NEMF: variants seen among roughly 807,000 people sequenced by gnomAD.
NEMF encodes ribosome quality control complex subunit NEMF.
A neutral mutation model predicts 162.2 loss-of-function variants in NEMF; 89 were observed. The ratio of observed to expected loss-of-function variants is 0.55; its 90% CI spans 0.46 to 0.65. The LOEUF is 0.65. Among genes scored for constraint, NEMF ranks in the 30% least tolerant of loss-of-function variants. The pLI is 0.00. For missense variants in NEMF, 1,133 were observed against 1,261.9 expected, an observed-to-expected ratio of 0.90 and a Z score of 1.55; for synonymous variants, 421 against 404.5, an observed-to-expected ratio of 1.04 and a Z score of -0.49.
chr14:49,800,456 T>C lies in NEMF; in HGVS notation c.2336A>G (p.Asp779Gly). 2 of 1,613,790 alleles carry C rather than the reference T, an allele frequency of 1.2e-6. No homozygotes were observed. The highest frequency in any genetic ancestry group is 1.7e-6 in the Non-Finnish European group (2 of 1,179,746). The change falls in exon 23 of 33, where the codon GAT (aspartate) becomes GGT (glycine). Residue 779 changes from aspartate to glycine, a missense_variant. By Grantham distance (94) the Asp-to-Gly change is moderately conservative. Around this residue, in one of 3 missense-constraint regions of NEMF, gnomAD observed 532 missense variants for 578.6 expected, o/e 0.92. Transcript: ENST00000298310. ...AAGGTGAGACAAGTCAATGGTAGTATCAGGATAATTTAATGTCTCTTCCCC... is the reference window on the plus strand; with the variant it reads ...AAGGTGAGACAAGTCAATGGTAGTACCAGGATAATTTAATGTCTCTTCCCC... Reference protein sequence around the residue: ...DEGEETLNYPDTTIDLSHLQP... With the variant: ...DEGEETLNYPGTTIDLSHLQP...
At chr14:49,785,539 A>G (rs1328748555) in intron 29 of NEMF, 3 of 468,952 alleles carry the variant, frequency 6.4e-6, no homozygotes, top group East Asian at 4.0e-5. Flanking sequence ...GCCTAGCATA[A>G]TAAGTAATGA....
intron 1 of NEMF, among the ~76,000 whole-genome samples, chr14:49,852,139 G>A (rs1193740357): frequency 6.7e-6 from 1 of 149,986 alleles, no homozygotes; most frequent in East Asian, 2.0e-4. Flanking sequence ...GAGAAATACA[G>A]TAAAATATAA....
At chr14:49,845,942 T>G in intron 4 of NEMF, 198 bp downstream of exon 4, 1 of 561,270 alleles carries the variant, frequency 1.8e-6, no homozygotes, top group Admixed American at 3.3e-5. Flanking sequence ...ATGGCTAAAG[T>G]CTGCCTAAAC....
intron 3 of NEMF, 149 bp downstream of exon 3, chr14:49,851,414 T>G: frequency 1.7e-6 from 1 of 602,216 alleles, no homozygotes; most frequent in Non-Finnish European, 2.9e-6. Flanking sequence ...TAATAAATAT[T>G]CACTTTATTC....
intron 6 of NEMF, among the ~76,000 whole-genome samples, chr14:49,837,862 T>A (rs1040451055): frequency 6.6e-6 from 1 of 151,272 alleles, no homozygotes; most frequent in African/African-American, 2.4e-5. Flanking sequence ...AAGTGGTTAT[T>A]AAATCAAAGA....
Position 49,789,487 on chromosome 14 carries a change from G to A in NEMF, c.2697+9C>T, listed in dbSNP as rs1890340860. 6.2e-7 allele frequency: 1 copy of A among 1,611,266 alleles called. No individual in the cohort carries two copies. The highest frequency in any genetic ancestry group is 1.3e-5 in the African/African-American group (1 of 74,710). ...AGCAAAAGAAAAAATGTTTTTAGATGTTATTTACCCCCAGCAACTTCATGA... is the reference window on the plus strand; with the variant it reads ...AGCAAAAGAAAAAATGTTTTTAGATATTATTTACCCCCAGCAACTTCATGA... On this transcript the variant is annotated intron_variant, in intron 27 of 32. Transcript: ENST00000298310.
intron 23 of NEMF, 106 bp downstream of exon 23, chr14:49,800,314 G>A (rs899947467): frequency 2.4e-6 from 2 of 847,414 alleles, no homozygotes; most frequent in African/African-American, 3.4e-5. Context: ...TTAAGACAAT[G>A]GAGTGTAAAA....
In NEMF at chr14:49,795,830, T is replaced by G. The variant is rs142838359; in HGVS notation, c.2580A>C (p.Lys860Asn). ...VHIETHQNTS[K>N]NVAAVQPMKR... The stretch of plus-strand genomic sequence containing the variant: ...TCATTGGCTGCACAGCCGCAACATT[T>G]TTGCTTGTGTTCTGATGAGTTTCAA... The change falls in exon 26 of 33, where the codon AAA (lysine) becomes AAC (asparagine). Residue 860 changes from lysine (K) to asparagine (N), a missense_variant. Physicochemically the swap from Lys to Asn is moderately conservative, Grantham distance 94 (BLOSUM62 0). Around this residue, in one of 3 missense-constraint regions of NEMF, gnomAD observed 532 missense variants for 578.6 expected, o/e 0.92. Coordinates refer to ENST00000298310, the MANE Select transcript of NEMF (RefSeq NM_004713.6). 1,938 of 1,613,158 alleles carry G rather than the reference T, an allele frequency of 1.2e-3. 20 individuals carry two copies. Among genetic ancestry groups the G allele is most frequent in the East Asian group, 6.8e-3 (303 of 44,856 alleles).
chr14:49,788,337 A>C (rs1336783388), intron 28 of NEMF, among the ~76,000 whole-genome samples: 1 of 151,958 alleles, frequency 6.6e-6, no homozygotes, highest in Non-Finnish European at 1.5e-5. Flanking sequence ...GATATACAGA[A>C]GGCTGGGCTT....
chr14:49,828,750 A>G lies in NEMF; in HGVS notation c.1290T>C (p.Val430=). 1 of 1,578,722 alleles carries G rather than the reference A, an allele frequency of 6.3e-7. No homozygotes were observed. The highest frequency in any genetic ancestry group is 8.7e-7 in the Non-Finnish European group (1 of 1,155,952). The part of the protein sequence containing the change: ...EDDDVDGDVN[V]EKNETEPPKG... ...TTGGTGGTTCAGTTTCATTTTTCTC[A>G]ACATTGACGTCACCATCAACATCAT... The change falls in exon 14 of 33, where the codon GTT becomes GTC. Residue 430 remains valine, a synonymous_variant. Coordinates refer to ENST00000298310, the MANE Select transcript of NEMF (RefSeq NM_004713.6).
intron 26 of NEMF, among the ~76,000 whole-genome samples, chr14:49,791,735 TAAAAAA>T (rs10586126): frequency 0.02 from 2,790 of 141,032 alleles, 58 homozygotes; most frequent in African/African-American, 0.057. Context: ...AGACTCCATT[TAAAAAA>T]AAAAAAAAAA....
Position 49,852,687 on chromosome 14 carries a change from T to A in NEMF, c.59+8A>T, listed in dbSNP as rs1034441008. 20 of 1,614,186 alleles carry A rather than the reference T, an allele frequency of 1.2e-5. No homozygotes were observed. The highest frequency in any genetic ancestry group is 1.7e-5 in the Non-Finnish European group (20 of 1,180,018). ...CCCACACGAGCCTCGTCACTTAGGGTACTGTACCTAGCATTCAGCTCCGCG... is the reference window on the plus strand; with the variant it reads ...CCCACACGAGCCTCGTCACTTAGGGAACTGTACCTAGCATTCAGCTCCGCG... On this transcript the variant is annotated splice_region_variant and intron_variant, in intron 1 of 32. Coordinates refer to ENST00000298310, the MANE Select transcript of NEMF (RefSeq NM_004713.6).
At chr14:49,786,659 T>C (rs1487128128) in intron 29 of NEMF, 59 bp downstream of exon 29, 8 of 1,484,478 alleles carry the variant, frequency 5.4e-6, no homozygotes, top group Non-Finnish European at 6.6e-6. Context: ...GTTTCAAACA[T>C]TCTGGGAACT....
intron 3 of NEMF, among the ~76,000 whole-genome samples, chr14:49,850,358 A>G (rs3126159): frequency 0.97 from 147,628 of 152,278 alleles, 71,745 homozygotes; most frequent in East Asian, 1. Flanking sequence ...AAAGTGTTGG[A>G]ATTACAGGCA....
chr14:49,799,574 T>A lies in NEMF; in HGVS notation c.2416-50A>T, dbSNP rs747150510. 4.8e-5 allele frequency: 76 copies of A among 1,597,476 alleles called. No homozygotes were observed. The highest frequency in any genetic ancestry group is 6.4e-5 in the Non-Finnish European group (75 of 1,174,444). ...ATGCAAATATCACTATTAACTTTTT[T>A]GAAAAGTAGAAAATTATTCACTGAG... On this transcript the variant is annotated intron_variant, in intron 24 of 32. Transcript: ENST00000298310.
In NEMF at chr14:49,832,011, A is replaced by G. The variant is rs1372486833; in HGVS notation, c.882+40T>C. The G allele has an allele frequency of 2.1e-6, 3 of 1,399,266 alleles. No individual in the cohort carries two copies. The African/African-American group carries it at 4.3e-5, about 20-fold the overall frequency. The allele number at this position is 1,399,266 out of a possible 1,614,324, so 86.7% of individuals were successfully genotyped here. The stretch of plus-strand genomic sequence containing the variant: ...CAAGTTGATATCAACAGCTCATATC[A>G]TGCTAACTAACTGGTAAAGGAACAG... On this transcript the variant is annotated intron_variant, in intron 10 of 32. Coordinates refer to ENST00000298310, the MANE Select transcript of NEMF (RefSeq NM_004713.6).
chr14:49,829,268 A>G lies in NEMF; in HGVS notation c.1024-6T>C. On this transcript the variant is annotated splice_polypyrimidine_tract_variant and splice_region_variant and intron_variant, in intron 12 of 32. Transcript: ENST00000298310. ...CCTTTCAGTTTGTCTATTTCCTTAAAAAACAAACCACACACATTTACTACA... is the reference window on the plus strand; with the variant it reads ...CCTTTCAGTTTGTCTATTTCCTTAAGAAACAAACCACACACATTTACTACA... 1.2e-6 allele frequency: 2 copies of G among 1,613,882 alleles called. No homozygotes were observed. Among genetic ancestry groups the G allele is most frequent in the Non-Finnish European group, 1.7e-6 (2 of 1,179,864 alleles).
intron 22 of NEMF, 146 bp from the exon 23 acceptor site, chr14:49,800,842 C>T (rs755689590): frequency 1.5e-6 from 1 of 689,232 alleles, no homozygotes; most frequent in Non-Finnish European, 2.4e-6. Flanking sequence ...CCAAAGGGTA[C>T]TCTTAGACAA....
At chr14:49,815,951 G>A (rs2139909860) in intron 16 of NEMF, among the ~76,000 whole-genome samples, 1 of 152,142 alleles carries the variant, frequency 6.6e-6, no homozygotes, top group African/African-American at 2.4e-5. Context: ...GCAACAGAAC[G>A]AGACTCTGTC....
Sources: allele counts gnomAD v4.1 joint callset (sites outside exome capture counted in the v4.1 genomes callset), GRCh38; gene constraint gnomAD v4.1.1; regional missense constraint gnomAD v4.1.1; transcripts MANE v1.5; gene names NCBI Gene and HGNC (gene_info 2026-07-23, HGNC 2026-07-21).